The following LRRC9 variants were observed in gnomAD, a reference collection of about 807,000 sequenced individuals.
LRRC9 encodes leucine-rich repeat-containing protein 9.
LRRC9 carries 122 observed loss-of-function variants against 63.2 expected under a neutral mutation model. The observed-to-expected ratio is 1.93, with a 90% CI of 1.67 to 2.24. LRRC9 has a LOEUF of 2.24. Ranked by LOEUF, LRRC9 falls within the 30% of genes most tolerant of loss-of-function variation. The pLI is 0.00. For missense variants in LRRC9, 1,071 were observed against 627.7 expected (o/e 1.71, Z -7.55); for synonymous variants, 366 against 213.1 (o/e 1.72, Z -6.25).
intron 1 of LRRC9, among the ~76,000 whole-genome samples, chr14:59,925,529 G>A (rs138743128): frequency 6.6e-6 from 1 of 152,262 alleles, no homozygotes; most frequent in Non-Finnish European, 1.5e-5. Context: ...ACCTCTTAAA[G>A]GCCCACCTCT....
In LRRC9 at chr14:59,955,155, C is replaced by T. The variant is rs189455824; in HGVS notation, c.883-4663C>T. Reference sequence around the variant, plus strand: ...TTTGGTATCAGGATGATGCTGGCCTCATAAAATGAGTTAGGGAGGAGTCCC... The same window carrying T: ...TTTGGTATCAGGATGATGCTGGCCTTATAAAATGAGTTAGGGAGGAGTCCC... On this transcript the variant is annotated intron_variant, in intron 8 of 31. Coordinates refer to ENST00000445360, the Ensembl canonical transcript of LRRC9. Among the ~76,000 whole-genome samples the T allele has an allele frequency of 7.0e-3, 1,064 of 152,276 alleles. 16 individuals carry two copies. The highest frequency in any genetic ancestry group is 0.025 in the African/African-American group (1,039 of 41,554).
chr14:59,973,547 G>A (rs903483080), intron 12 of LRRC9: 10 of 152,062 alleles, frequency 6.6e-5, no homozygotes, highest in African/African-American at 2.4e-4. Flanking sequence ...ATAAAATGGT[G>A]CAGTATTTGC....
rs375038405 is a variant in LRRC9, at chr14:60,017,662, T to A, written c.3318-709T>A. On this transcript the variant is annotated intron_variant, in intron 24 of 31. Transcript: ENST00000445360. This position sits in a 1 kb window ranked among gnomAD's most constrained non-coding sequence, Gnocchi z 4.0. ...CACTTAGGAAATACTAATGGAAATA[T>A]GTTGACTGAATGAATGACTTATTAG... 9.9e-5 allele frequency among the ~76,000 whole-genome samples: 15 copies of A among 152,238 alleles called. No homozygotes were observed. In the East Asian group the frequency reaches 2.9e-3, roughly 29 times the overall value.
exon 15 of LRRC9, chr14:59,978,121 T>G (rs747901731): frequency 1.4e-6 from 1 of 701,898 alleles, no homozygotes; most frequent in Admixed American, 2.0e-5. Flanking sequence ...TGAATTTGAG[T>G]ATATTACAAT....
In LRRC9 at chr14:59,930,204, G is replaced by C. The variant is rs1472548112; in HGVS notation, c.268-714G>C. ...CGTAGTAATAAAATTGGTCCACTTA[G>C]ACACTATTGGCTGTGTTGAAATTAT... On this transcript the variant is annotated intron_variant, in intron 3 of 31. Coordinates refer to ENST00000445360, the Ensembl canonical transcript of LRRC9. This position sits in a 1 kb window ranked among gnomAD's most constrained non-coding sequence, Gnocchi z 4.9. 2.0e-5 allele frequency among the ~76,000 whole-genome samples: 3 copies of C among 151,942 alleles called. No individual in the cohort carries two copies. Among genetic ancestry groups the C allele is most frequent in the African/African-American group, 7.2e-5 (3 of 41,386 alleles).
chr14:60,064,910 G>C (rs1316382692), downstream of LRRC9, among the ~76,000 whole-genome samples: 2 of 152,090 alleles, frequency 1.3e-5, no homozygotes, highest in African/African-American at 4.8e-5. Flanking sequence ...AAAATGTTCA[G>C]AATAGAAATA....
At position 59,942,855 on chromosome 14, in the gene LRRC9, T is replaced by C. The variant is rs951210299; in HGVS notation, c.727-1734T>C. Reference sequence around the variant, plus strand: ...ATTGTGATTTTTATTTGCATTTCCATGATGGTTAGTTAGTGATGTTGAGCA... The same window carrying C: ...ATTGTGATTTTTATTTGCATTTCCACGATGGTTAGTTAGTGATGTTGAGCA... On this transcript the variant is annotated intron_variant, in intron 7 of 31. Transcript: ENST00000445360. The surrounding 1 kb of genome is among the most constrained non-coding windows in gnomAD (Gnocchi z 5.3). Among the ~76,000 whole-genome samples the C allele has an allele frequency of 6.6e-6, 1 of 152,176 alleles. No individual in the cohort carries two copies. Among genetic ancestry groups the C allele is most frequent in the Non-Finnish European group, 1.5e-5 (1 of 68,036 alleles).
intron 29 of LRRC9, among the ~76,000 whole-genome samples, chr14:60,047,000 A>G (rs924354362): frequency 2.0e-5 from 3 of 152,046 alleles, no homozygotes; most frequent in Non-Finnish European, 4.4e-5. Context: ...ATTTCTAGGT[A>G]CTTTATTCTT....
At position 60,002,113 on chromosome 14, in the gene LRRC9, T is replaced by C; in HGVS notation, c.2664+13T>C. ...CTGCTACTTGAAGGTAAAGGCTAATTCTATTAAACCTAATATAAAGCTTAA... is the reference window on the plus strand; with the variant it reads ...CTGCTACTTGAAGGTAAAGGCTAATCCTATTAAACCTAATATAAAGCTTAA... On this transcript the variant is annotated intron_variant, in intron 20 of 31. Transcript: ENST00000445360. The C allele has an allele frequency of 1.4e-6, 1 of 692,234 alleles. No individual in the cohort carries two copies. 42.9% of individuals were successfully genotyped at this position (692,234 alleles called of 1,614,324 possible). A position where few individuals can be genotyped will look rare whatever the true frequency, so the allele number is the denominator to read the frequency against.
At chr14:59,937,038 A>T (rs1890191219) in intron 6 of LRRC9, among the ~76,000 whole-genome samples, 2 of 152,128 alleles carry the variant, frequency 1.3e-5, no homozygotes, top group South Asian at 4.1e-4. Flanking sequence ...AGGTATGAGG[A>T]TATCCTCGAA....
At chr14:59,961,248 A>C (rs561160858) in intron 10 of LRRC9, among the ~76,000 whole-genome samples, 2 of 152,312 alleles carry the variant, frequency 1.3e-5, no homozygotes, top group Non-Finnish European at 1.5e-5. Flanking sequence ...TGTTTATGCC[A>C]TTACCGTGAG....
chr14:59,928,320 C>A, exon 3 of LRRC9: 1 of 669,630 alleles, frequency 1.5e-6, no homozygotes, highest in Non-Finnish European at 2.7e-6. Context: ...GGATCAGATA[C>A]ATCAAAGTTG....
chr14:59,963,178 T>C (rs1410699740), intron 10 of LRRC9, among the ~76,000 whole-genome samples: 1 of 152,204 alleles, frequency 6.6e-6, no homozygotes, highest in East Asian at 1.9e-4. Flanking sequence ...AAAGATTTTC[T>C]GTTAAAATTA....
chr14:59,976,630 G>C (rs181026953), intron 13 of LRRC9, among the ~76,000 whole-genome samples: 3 of 152,206 alleles, frequency 2.0e-5, no homozygotes, highest in Admixed American at 6.5e-5. Flanking sequence ...TGTTCTGCTA[G>C]ATCCTTCTGG....
chr14:60,014,622 C>A (rs2140261683), intron 23 of LRRC9, among the ~76,000 whole-genome samples: 1 of 152,078 alleles, frequency 6.6e-6, no homozygotes, highest in African/African-American at 2.4e-5. Flanking sequence ...CTGTCACTTA[C>A]ATTGTTTTTC....
rs1894597065 is a variant in LRRC9 at position 60,060,638 on chromosome 14, G to A, written c.4276+2616G>A. 6.6e-6 allele frequency among the ~76,000 whole-genome samples: 1 copy of A among 152,144 alleles called. No homozygotes were observed. Among genetic ancestry groups the A allele is most frequent in the African/African-American group, 2.4e-5 (1 of 41,436 alleles). On this transcript the variant is annotated intron_variant, in intron 31 of 31. Transcript: ENST00000445360. This position sits in a 1 kb window ranked among gnomAD's most constrained non-coding sequence, Gnocchi z 4.0. ...CGCCTGTAGTCCCAGCTACTCGGGA[G>A]GCTGAGTCAAGAGAATGGCATGAAC... is the stretch of plus-strand genomic sequence containing the variant.
chr14:59,983,649 T>C (rs1480581228), intron 16 of LRRC9, among the ~76,000 whole-genome samples: 1 of 152,144 alleles, frequency 6.6e-6, no homozygotes, highest in African/African-American at 2.4e-5. Context: ...AAAAATTTAG[T>C]ATGCCTAGAA....
intron 12 of LRRC9, among the ~76,000 whole-genome samples, chr14:59,971,765 T>C (rs1215905005): frequency 6.6e-6 from 1 of 152,060 alleles, no homozygotes; most frequent in African/African-American, 2.4e-5. Context: ...CATTTTCCAG[T>C]GGCTCTTCAT....
At chr14:60,018,440 T>C in exon 25 of LRRC9, 1 of 700,400 alleles carries the variant, frequency 1.4e-6, no homozygotes, top group Non-Finnish European at 2.6e-6. Flanking sequence ...ACAATCATCT[T>C]ACCTCATTCA....
Sources: gnomAD v4.1 joint callset for allele counts (sites outside exome capture counted in the v4.1 genomes callset) on GRCh38, gnomAD v4.1.1 for gene constraint, Gnocchi (gnomAD v3.1) non-coding constraint, MANE v1.5 for transcripts, NCBI Gene and HGNC (gene_info 2026-07-23, HGNC 2026-07-21) for gene names.